Variants in B4GALNT3 observed in about 807,000 individuals in gnomAD.
The protein encoded by B4GALNT3 is beta-1,4-N-acetyl-galactosaminyltransferase 3.
B4GALNT3 carries 86 observed loss-of-function variants against 120.2 expected under a neutral mutation model. That is an observed-to-expected ratio of 0.72 (90% CI 0.60 to 0.86). B4GALNT3 has a LOEUF of 0.86. Among genes scored for constraint, B4GALNT3 ranks in the 40% least tolerant of loss-of-function variants. B4GALNT3 has a pLI of 0.00. For synonymous variants in B4GALNT3, 518 were observed against 510.4 expected, an observed-to-expected ratio of 1.01 and a Z score of -0.20; for missense variants, 1,167 against 1,298.9, an observed-to-expected ratio of 0.90 and a Z score of 1.56.
intron 1 of B4GALNT3, among the ~76,000 whole-genome samples, chr12:474,630 G>T (rs951856968): frequency 6.6e-6 from 1 of 152,070 alleles, no homozygotes. Context: ...ACCAGCATGG[G>T]CAACATAGCG....
chr12:560,006 G>A (rs972300220), intron 19 of B4GALNT3, among the ~76,000 whole-genome samples: 1 of 152,204 alleles, frequency 6.6e-6, no homozygotes, highest in Non-Finnish European at 1.5e-5. Context: ...AGTACAAGCT[G>A]CTGCCTTGGC....
intron 19 of B4GALNT3, among the ~76,000 whole-genome samples, chr12:559,763 C>T (rs751412760): frequency 3.3e-4 from 50 of 152,134 alleles, no homozygotes; most frequent in Admixed American, 6.5e-4. Flanking sequence ...CTCCCCAGCC[C>T]GAGGGTAGTG....
chr12:543,919 G>A (rs1946955187), intron 3 of B4GALNT3, among the ~76,000 whole-genome samples: 1 of 133,336 alleles, frequency 7.5e-6, no homozygotes, highest in South Asian at 2.7e-4. Flanking sequence ...GACGGGCATG[G>A]GGTGCTCATC....
Position 550,410 on chromosome 12 carries a change from G to A in B4GALNT3, c.997+498G>A, listed in dbSNP as rs181796804. On this transcript the variant is annotated intron_variant, in intron 10 of 19. Transcript: ENST00000266383. This position sits in a 1 kb window ranked among gnomAD's most constrained non-coding sequence, Gnocchi z 4.1. The stretch of plus-strand genomic sequence containing the variant: ...ATGCTGAGGTGGGAGGATCGCTTGA[G>A]CCCAGGAGGTTGAGGCTGCAGTGAG... Among the ~76,000 whole-genome samples the A allele has an allele frequency of 1.2e-4, 19 of 152,228 alleles. No individual in the cohort carries two copies. Among genetic ancestry groups the A allele is most frequent in the African/African-American group, 3.6e-4 (15 of 41,520 alleles).
At chr12:512,257 CTT>C (rs1946587820) in intron 1 of B4GALNT3, among the ~76,000 whole-genome samples, 1 of 88,252 alleles carries the variant, frequency 1.1e-5, no homozygotes. Context: ...CTTCTTCCAC[CTT>C]CTTCCACCTT....
At chr12:496,073 G>C (rs948408664) in intron 1 of B4GALNT3, among the ~76,000 whole-genome samples, 1 of 152,106 alleles carries the variant, frequency 6.6e-6, no homozygotes, top group Non-Finnish European at 1.5e-5. Context: ...CAGAGTTGCA[G>C]AGAACCCTAA....
At chr12:495,427 T>TC (rs1946379317) in intron 1 of B4GALNT3, among the ~76,000 whole-genome samples, 1 of 151,872 alleles carries the variant, frequency 6.6e-6, no homozygotes, top group South Asian at 2.1e-4. Flanking sequence ...CAATGTACCC[T>TC]CCGCCAAACG....
At chr12:520,942 G>A (rs1369331718) in intron 1 of B4GALNT3, among the ~76,000 whole-genome samples, 1 of 152,178 alleles carries the variant, frequency 6.6e-6, no homozygotes, top group East Asian at 1.9e-4. Context: ...ATTCTGAATA[G>A]TCAGCTCTTC....
At chr12:488,376 G>A (rs1009624990) in intron 1 of B4GALNT3, among the ~76,000 whole-genome samples, 1 of 152,160 alleles carries the variant, frequency 6.6e-6, no homozygotes, top group Admixed American at 6.5e-5. Context: ...ATGAATAACT[G>A]AAGGTAAAAT....
chr12:554,586 C>A (rs958334890), intron 14 of B4GALNT3, among the ~76,000 whole-genome samples: 3 of 150,436 alleles, frequency 2.0e-5, no homozygotes, highest in Admixed American at 6.6e-5. Flanking sequence ...GTCAGGAGAT[C>A]GAGACCATCC....
At chr12:554,768 C>A (rs1437650251) in intron 14 of B4GALNT3, among the ~76,000 whole-genome samples, 2 of 96,316 alleles carry the variant, frequency 2.1e-5, no homozygotes, top group Non-Finnish European at 3.7e-5. Context: ...CCAGCCTGGG[C>A]GACAGAGCAA....
chr12:534,340 C>A (rs1304724892), intron 1 of B4GALNT3, among the ~76,000 whole-genome samples: 1 of 152,210 alleles, frequency 6.6e-6, no homozygotes, highest in Non-Finnish European at 1.5e-5. Flanking sequence ...CAGCAATCTC[C>A]TCTGAGATGG....
intron 1 of B4GALNT3, among the ~76,000 whole-genome samples, chr12:463,910 G>A (rs557276534): frequency 2.0e-5 from 3 of 152,216 alleles, no homozygotes; most frequent in Non-Finnish European, 4.4e-5. Flanking sequence ...TTAAAGAGTG[G>A]CATTTATTCA....
At chr12:486,888 C>G (rs1278976171) in intron 1 of B4GALNT3, among the ~76,000 whole-genome samples, 1 of 152,072 alleles carries the variant, frequency 6.6e-6, no homozygotes, top group African/African-American at 2.4e-5. Context: ...TTAGAGAGGC[C>G]AGACATTTTT....
At chr12:480,318 A>C (rs993414311) in intron 1 of B4GALNT3, among the ~76,000 whole-genome samples, 41 of 152,196 alleles carry the variant, frequency 2.7e-4, no homozygotes, top group Admixed American at 2.4e-3. Flanking sequence ...TGTGGGATTC[A>C]GGCTGTGTGG....
At chr12:494,826 A>G (rs1946374142) in intron 1 of B4GALNT3, among the ~76,000 whole-genome samples, 1 of 150,982 alleles carries the variant, frequency 6.6e-6, no homozygotes, top group African/African-American at 2.4e-5. Context: ...TGCGGGGGGG[A>G]GTCTTTATTC....
At chr12:524,775 G>A (rs1023010118) in intron 1 of B4GALNT3, among the ~76,000 whole-genome samples, 2 of 152,282 alleles carry the variant, frequency 1.3e-5, no homozygotes, top group South Asian at 4.1e-4. Flanking sequence ...CTGTAAAATG[G>A]GAATAATAAT....
intron 1 of B4GALNT3, among the ~76,000 whole-genome samples, chr12:532,643 T>A (rs780319148): frequency 1.3e-5 from 2 of 151,960 alleles, no homozygotes; most frequent in African/African-American, 2.4e-5. Context: ...CTTGGTCAGA[T>A]GTTAGGGGGC....
At chr12:537,135 G>T (rs542614520) in intron 3 of B4GALNT3, among the ~76,000 whole-genome samples, 1 of 152,322 alleles carries the variant, frequency 6.6e-6, no homozygotes, top group Non-Finnish European at 1.5e-5. Context: ...TGAAACTAGT[G>T]CTCGAGGATC....
Sources: allele counts gnomAD v4.1 joint callset (sites outside exome capture counted in the v4.1 genomes callset), GRCh38; gene constraint gnomAD v4.1.1; non-coding constraint Gnocchi (gnomAD v3.1); transcripts MANE v1.5; gene names NCBI Gene and HGNC (gene_info 2026-07-23, HGNC 2026-07-21).